LYN: variants seen among roughly 807,000 people sequenced by gnomAD.
The protein encoded by LYN is tyrosine-protein kinase Lyn.
In LYN, 12 loss-of-function variants were observed where a neutral mutation model predicts 65.0. That is an observed-to-expected ratio of 0.18 (90% CI 0.12 to 0.30). The LOEUF (loss-of-function observed/expected upper bound fraction) is 0.30, where lower values mean the gene tolerates loss of function less well. Among genes scored for constraint, LYN ranks in the 10% least tolerant of loss-of-function variants. The pLI, the probability that LYN is intolerant of heterozygous loss-of-function variation, is 1.00. For synonymous variants in LYN, 222 were observed against 221.2 expected, an observed-to-expected ratio of 1.00 and a Z score of -0.03; for missense variants, 380 against 623.2, an observed-to-expected ratio of 0.61 and a Z score of 4.16.
intron 8 of LYN, 127 bp from the exon 9 acceptor site, chr8:55,966,588 G>A (rs1266788337): frequency 1.3e-5 from 9 of 690,796 alleles, no homozygotes; most frequent in African/African-American, 1.8e-5. Context: ...GGCTGGTTTC[G>A]AACTCCTGAC....
At position 55,879,945 on chromosome 8, in the gene LYN, A is replaced by C. The variant is rs563946658; in HGVS notation, c.-164A>C. ...CCGCGGCAAGCGGGGCGGCCGCGCC[A>C]CCCCCGGCCCCGCGCCAGCAGCCCC... On this transcript the variant is annotated 5_prime_UTR_variant, in exon 1 of 13. Coordinates refer to ENST00000519728, the MANE Select transcript of LYN (RefSeq NM_002350.4). The C allele has an allele frequency of 4.9e-6, 1 of 204,416 alleles. No individual in the cohort carries two copies. The highest frequency in any genetic ancestry group is 9.6e-6 in the Non-Finnish European group (1 of 103,866). 12.7% of individuals were successfully genotyped at this position (204,416 alleles called of 1,614,324 possible).
chr8:55,925,604 C>T (rs1279695733), intron 1 of LYN, among the ~76,000 whole-genome samples: 1 of 152,170 alleles, frequency 6.6e-6, no homozygotes, highest in African/African-American at 2.4e-5. Context: ...AACTCCACCA[C>T]AGCCATGCGG....
intron 1 of LYN, among the ~76,000 whole-genome samples, chr8:55,892,484 T>C (rs1421318579): frequency 6.6e-6 from 1 of 152,200 alleles, no homozygotes; most frequent in Non-Finnish European, 1.5e-5. Context: ...GATTTGATGA[T>C]ACAGTTATAT....
intron 10 of LYN, among the ~76,000 whole-genome samples, chr8:55,989,072 C>T (rs146525493): frequency 3.9e-5 from 6 of 152,244 alleles, no homozygotes; most frequent in South Asian, 2.1e-4. Context: ...TGGTAGCAGC[C>T]GGGTATGTGT....
chr8:55,927,790 C>G (rs1806149591), intron 1 of LYN, among the ~76,000 whole-genome samples: 1 of 151,952 alleles, frequency 6.6e-6, no homozygotes, highest in Non-Finnish European at 1.5e-5. Flanking sequence ...GAGCCAAGAT[C>G]ACACCACTGT....
At chr8:55,903,342 T>C (rs564797904) in intron 1 of LYN, among the ~76,000 whole-genome samples, 3 of 152,340 alleles carry the variant, frequency 2.0e-5, no homozygotes, top group African/African-American at 4.8e-5. Flanking sequence ...AGCTCTTCTT[T>C]GAGGTGTTTA....
At chr8:55,953,383 C>G (rs896470946) in intron 7 of LYN, among the ~76,000 whole-genome samples, 5 of 152,246 alleles carry the variant, frequency 3.3e-5, no homozygotes, top group Admixed American at 6.5e-5. Context: ...CTTGGTGGCT[C>G]ACACCTGTAA....
chr8:55,909,675 T>C (rs1444649257), intron 1 of LYN, among the ~76,000 whole-genome samples: 1 of 152,250 alleles, frequency 6.6e-6, no homozygotes, highest in Non-Finnish European at 1.5e-5. Flanking sequence ...GAAATCTCCA[T>C]ACTGTTTTCC....
At chr8:55,979,802 A>C (rs1015590791) in intron 10 of LYN, among the ~76,000 whole-genome samples, 6 of 152,324 alleles carry the variant, frequency 3.9e-5, no homozygotes, top group Admixed American at 3.3e-4. Context: ...TCTGCCAAGC[A>C]GCAGCCTGAC....
At chr8:55,898,234 A>T (rs572003183) in intron 1 of LYN, among the ~76,000 whole-genome samples, 1 of 152,242 alleles carries the variant, frequency 6.6e-6, no homozygotes, top group African/African-American at 2.4e-5. Flanking sequence ...TCATATAAAT[A>T]GATTCATACT....
intron 10 of LYN, among the ~76,000 whole-genome samples, chr8:55,989,524 T>C (rs1410555744): frequency 1.3e-5 from 2 of 152,160 alleles, no homozygotes; most frequent in African/African-American, 4.8e-5. Flanking sequence ...GCAGGTGCAT[T>C]TGGATAGGGC....
intron 10 of LYN, among the ~76,000 whole-genome samples, chr8:55,979,663 C>G (rs962504838): frequency 3.9e-5 from 6 of 152,218 alleles, no homozygotes; most frequent in Non-Finnish European, 8.8e-5. Flanking sequence ...AATGCATTCC[C>G]CAGGTTTTGC....
At chr8:55,966,395 T>A (rs1807460140) in intron 8 of LYN, among the ~76,000 whole-genome samples, 1 of 149,622 alleles carries the variant, frequency 6.7e-6, no homozygotes, top group African/African-American at 2.5e-5. Flanking sequence ...TGAGACGGAG[T>A]CGCACTCTGT....
intron 1 of LYN, among the ~76,000 whole-genome samples, chr8:55,941,183 C>T (rs111237452): frequency 2.4e-4 from 37 of 152,278 alleles, no homozygotes; most frequent in African/African-American, 8.2e-4. Context: ...CCCCACCCCA[C>T]TCCACCTTGC....
chr8:55,883,920 A>G (rs1450263695), intron 1 of LYN, among the ~76,000 whole-genome samples: 1 of 152,144 alleles, frequency 6.6e-6, no homozygotes, highest in Non-Finnish European at 1.5e-5. Context: ...GTTTCCTGAT[A>G]CTTAAATTGT....
chr8:55,956,252 A>G (rs1807107833), intron 8 of LYN, among the ~76,000 whole-genome samples: 1 of 152,022 alleles, frequency 6.6e-6, no homozygotes, highest in African/African-American at 2.4e-5. Context: ...ATATTGTCCT[A>G]ATTTTCTTGT....
Position 55,879,994 on chromosome 8 carries a change from G to A in LYN, c.-115G>A. 3.5e-6 allele frequency: 1 copy of A among 284,714 alleles called. No individual in the cohort carries two copies. Among genetic ancestry groups the A allele is most frequent in the Non-Finnish European group, 7.3e-6 (1 of 137,444 alleles). 17.6% of individuals were successfully genotyped at this position (284,714 alleles called of 1,614,324 possible). ...CCTCGCCGCGCGTCCAGCGTTCCCGGCCAGCAGCCTCCCCATACGCAGGTC... is the reference window on the plus strand; with the variant it reads ...CCTCGCCGCGCGTCCAGCGTTCCCGACCAGCAGCCTCCCCATACGCAGGTC... On this transcript the variant is annotated 5_prime_UTR_variant, in exon 1 of 13. Coordinates refer to ENST00000519728, the MANE Select transcript of LYN (RefSeq NM_002350.4).
chr8:55,963,206 A>G (rs1036088704), intron 8 of LYN, among the ~76,000 whole-genome samples: 6 of 152,246 alleles, frequency 3.9e-5, no homozygotes, highest in Admixed American at 2.6e-4. Flanking sequence ...TGATGCAAGC[A>G]TGCATGAGCT....
At position 55,980,798 on chromosome 8, in the gene LYN, C is replaced by G. The variant is rs1267632423; in HGVS notation, c.1050+11005C>G. ...GGTGGTAAAATAAACACAAATTACA[C>G]CATTTTAACCATGTCTAAGTTTATG... On this transcript the variant is annotated intron_variant, in intron 10 of 12. Coordinates refer to ENST00000519728, the MANE Select transcript of LYN (RefSeq NM_002350.4). Among the ~76,000 whole-genome samples the G allele has an allele frequency of 3.3e-5, 5 of 152,174 alleles. No homozygotes were observed. The East Asian group carries it at 9.6e-4, about 29-fold the overall frequency.
Sources: gnomAD v4.1 joint callset for allele counts (sites outside exome capture counted in the v4.1 genomes callset) on GRCh38, gnomAD v4.1.1 for gene constraint, MANE v1.5 for transcripts, NCBI Gene and HGNC (gene_info 2026-07-23, HGNC 2026-07-21) for gene names.